ADK: variants seen among roughly 807,000 people sequenced by gnomAD.
The protein encoded by ADK is adenosine kinase, also known as N6,N6-dimethyladenosine kinase.
ADK carries 24 observed loss-of-function variants against 44.7 expected under a neutral mutation model. The ratio of observed to expected loss-of-function variants is 0.54; its 90% CI spans 0.39 to 0.76. The LOEUF (loss-of-function observed/expected upper bound fraction) is 0.76. Ranked by LOEUF, ADK falls within the 30% of genes least tolerant of loss-of-function variation. ADK has a pLI of 0.00. For missense variants in ADK, 321 were observed against 425.1 expected, an observed-to-expected ratio of 0.76 and a Z score of 2.15; for synonymous variants, 128 against 142.6, an observed-to-expected ratio of 0.90 and a Z score of 0.73.
chr10:74,649,995 G>A (rs769353837), intron 9 of ADK, among the ~76,000 whole-genome samples: 2 of 152,196 alleles, frequency 1.3e-5, no homozygotes, highest in African/African-American at 2.4e-5. Context: ...CTCAAAGCGT[G>A]TTTAGAGTAT....
intron 6 of ADK, among the ~76,000 whole-genome samples, chr10:74,515,977 C>T (rs1564767259): frequency 1.3e-5 from 2 of 152,134 alleles, no homozygotes; most frequent in Non-Finnish European, 2.9e-5. Context: ...GTGCAGTGGC[C>T]ACTTTCCCCC....
At chr10:74,392,272 T>G (rs895518534) in intron 4 of ADK, among the ~76,000 whole-genome samples, 1 of 152,184 alleles carries the variant, frequency 6.6e-6, no homozygotes. Context: ...ATGTTACATT[T>G]CCACCAACAC....
chr10:74,322,645 T>C (rs1423944355), intron 4 of ADK, among the ~76,000 whole-genome samples: 1 of 152,176 alleles, frequency 6.6e-6, no homozygotes, highest in Non-Finnish European at 1.5e-5. Flanking sequence ...TATTATAACT[T>C]AGATCAGATT....
intron 4 of ADK, among the ~76,000 whole-genome samples, chr10:74,378,815 A>G (rs866200258): frequency 1.3e-5 from 2 of 152,058 alleles, no homozygotes; most frequent in Non-Finnish European, 2.9e-5. Context: ...AAAATCCAGT[A>G]GGGAGCCGGG....
chr10:74,438,484 C>T (rs192907844), intron 6 of ADK, among the ~76,000 whole-genome samples: 175 of 152,118 alleles, frequency 1.2e-3, no homozygotes, highest in Non-Finnish European at 2.1e-3. Context: ...TCCGCCTCAG[C>T]CTCCCAAAGT....
chr10:74,485,461 C>CG (rs1847231384), intron 6 of ADK, among the ~76,000 whole-genome samples: 1 of 119,444 alleles, frequency 8.4e-6, no homozygotes, highest in African/African-American at 3.8e-5. Context: ...GACCCTGTCT[C>CG]AAAATAAATA....
chr10:74,158,298 C>G (rs1426559346), intron 1 of ADK, among the ~76,000 whole-genome samples: 1 of 152,094 alleles, frequency 6.6e-6, no homozygotes, highest in Non-Finnish European at 1.5e-5. Context: ...TGCTGTGTGG[C>G]TAAATATTAT....
At position 74,309,675 on chromosome 10, in the gene ADK, T is replaced by A. The variant is rs139413124; in HGVS notation, c.195-4992T>A. On this transcript the variant is annotated intron_variant, in intron 3 of 10. Transcript: ENST00000539909. ...AAAAAAGGGAGAGGGGTGTATGAAGTGTAGATCAGTAACAAACACCATCAC... is the reference window on the plus strand; with the variant it reads ...AAAAAAGGGAGAGGGGTGTATGAAGAGTAGATCAGTAACAAACACCATCAC... Among the ~76,000 whole-genome samples, 296 of 152,158 alleles carry A rather than the reference T, an allele frequency of 1.9e-3. 3 individuals are homozygous for A. Among genetic ancestry groups the A allele is most frequent in the Admixed American group, 0.01 (156 of 15,274 alleles).
intron 1 of ADK, among the ~76,000 whole-genome samples, chr10:74,169,698 TA>T (rs1842112727): frequency 6.6e-6 from 1 of 152,252 alleles, no homozygotes; most frequent in African/African-American, 2.4e-5. Flanking sequence ...ATAGCATTCT[TA>T]CAATGTCTTT....
At chr10:74,229,456 G>C (rs1844667693) in intron 3 of ADK, among the ~76,000 whole-genome samples, 1 of 143,782 alleles carries the variant, frequency 7.0e-6, no homozygotes, top group Admixed American at 7.2e-5. Flanking sequence ...GGAGTGCAGT[G>C]GCGTGATCTC....
In ADK at chr10:74,528,174, T is replaced by C. The variant is rs1309563227; in HGVS notation, c.726+2748T>C. On this transcript the variant is annotated intron_variant, in intron 7 of 10. Transcript: ENST00000539909. ...ATCAGAAGTTTCACTTGTTTCTCAG[T>C]TATTGAATATGTATCTTTGTGTACA... 3.5e-6 allele frequency: 3 copies of C among 854,992 alleles called. No homozygotes were observed. In the East Asian group the frequency reaches 7.9e-5, roughly 23 times the overall value. The allele number at this position is 854,992 out of a possible 1,614,324, so 53.0% of individuals were successfully genotyped here.
chr10:74,548,328 A>T (rs967097266), intron 7 of ADK, among the ~76,000 whole-genome samples: 1 of 152,138 alleles, frequency 6.6e-6, no homozygotes, highest in African/African-American at 2.4e-5. Context: ...CAAAACAAAA[A>T]TCCTACAGAA....
intron 2 of ADK, among the ~76,000 whole-genome samples, chr10:74,213,183 C>T (rs2132198911): frequency 6.6e-6 from 1 of 152,224 alleles, no homozygotes; most frequent in South Asian, 2.1e-4. Context: ...GCTGTCATGC[C>T]TCCCTGTAGC....
intron 4 of ADK, among the ~76,000 whole-genome samples, chr10:74,330,048 A>T (rs555805097): frequency 3.3e-5 from 5 of 151,960 alleles, no homozygotes; most frequent in Non-Finnish European, 5.9e-5. Flanking sequence ...CATGCCTGTC[A>T]TCCCAGCTAG....
chr10:74,702,571 C>CCTTCCTCT (rs1554900319), intron 10 of ADK, among the ~76,000 whole-genome samples: 1 of 144,218 alleles, frequency 6.9e-6, no homozygotes, highest in South Asian at 2.2e-4. Context: ...TTCCTTCCTT[C>CCTTCCTCT]CTCTCTCTCT....
intron 3 of ADK, among the ~76,000 whole-genome samples, chr10:74,312,942 T>TAAAAAA (rs1554841587): frequency 1.9e-5 from 1 of 53,360 alleles, no homozygotes; most frequent in African/African-American, 5.4e-5. Context: ...AAAAAAAAAG[T>TAAAAAA]TAATGTTTTT....
chr10:74,527,666 A>G (rs1409221582), intron 7 of ADK: 2 of 1,026,212 alleles, frequency 1.9e-6, no homozygotes, highest in Non-Finnish European at 3.1e-6. Flanking sequence ...TCTTCAGCCT[A>G]CCAAAACTGT....
chr10:74,265,228 T>G (rs970657728), intron 3 of ADK, among the ~76,000 whole-genome samples: 1 of 152,066 alleles, frequency 6.6e-6, no homozygotes, highest in Non-Finnish European at 1.5e-5. Flanking sequence ...AATTTTTTTT[T>G]TTTTTTGAGA....
intron 1 of ADK, among the ~76,000 whole-genome samples, chr10:74,172,945 G>A (rs997333700): frequency 6.7e-6 from 1 of 150,198 alleles, no homozygotes; most frequent in Non-Finnish European, 1.5e-5. Context: ...TATCAAAAAT[G>A]AGTTAAAAAA....
Sources: gnomAD v4.1 joint callset for allele counts (sites outside exome capture counted in the v4.1 genomes callset) on GRCh38, gnomAD v4.1.1 for gene constraint, MANE v1.5 for transcripts, NCBI Gene and HGNC (gene_info 2026-07-23, HGNC 2026-07-21) for gene names.